The following MACROD2 variants were observed in gnomAD, a reference collection of about 807,000 sequenced individuals.
The protein encoded by MACROD2 is ADP-ribose glycohydrolase MACROD2.
In MACROD2, 36 loss-of-function variants were observed where a neutral mutation model predicts 70.4. The ratio of observed to expected loss-of-function variants is 0.51; its 90% CI spans 0.39 to 0.68. The LOEUF (loss-of-function observed/expected upper bound fraction) is 0.68. MACROD2 is among the 30% of genes least tolerant of loss of function. The probability of loss-of-function intolerance (pLI) is 0.00; values close to 1 mark genes in which losing one functional copy is unlikely to be tolerated. For synonymous variants in MACROD2, 172 were observed against 178.8 expected, an observed-to-expected ratio of 0.96 and a Z score of 0.30; for missense variants, 496 against 538.4, an observed-to-expected ratio of 0.92 and a Z score of 0.78.
chr20:14,604,768 G>T (rs1362578347), intron 4 of MACROD2, among the ~76,000 whole-genome samples: 4 of 152,116 alleles, frequency 2.6e-5, no homozygotes, highest in African/African-American at 4.8e-5. Flanking sequence ...GAGGATCAGG[G>T]AACTCAGCAA....
intron 6 of MACROD2, among the ~76,000 whole-genome samples, chr20:15,333,390 G>A (rs1227431265): frequency 1.3e-5 from 2 of 151,536 alleles, no homozygotes; most frequent in East Asian, 1.9e-4. Context: ...CTTTCTCCTC[G>A]AAAGCGAATT....
At chr20:15,649,152 T>C (rs2049603314) in intron 8 of MACROD2, among the ~76,000 whole-genome samples, 2 of 136,374 alleles carry the variant, frequency 1.5e-5, no homozygotes, top group African/African-American at 5.4e-5. Context: ...TCTTTCTTTC[T>C]TTTCTTTCTT....
At chr20:14,718,211 T>G (rs1443764302) in intron 5 of MACROD2, among the ~76,000 whole-genome samples, 4 of 142,122 alleles carry the variant, frequency 2.8e-5, no homozygotes, top group African/African-American at 1.1e-4. Context: ...GAGAATTGCT[T>G]GAATCCAGGA....
Position 14,979,484 on chromosome 20 carries a change from A to C in MACROD2, c.419-250456A>C, listed in dbSNP as rs979816529. On this transcript the variant is annotated intron_variant, in intron 5 of 17. Coordinates refer to ENST00000684519, the MANE Select transcript of MACROD2 (RefSeq NM_001351661.2). ...TGTTGACAGCAAGAGAGAAAGAAAT[A>C]TTCTCTCAAGATGAACAATAATGTC... is the stretch of plus-strand genomic sequence containing the variant. Among the ~76,000 whole-genome samples, 16 of 152,192 alleles carry C rather than the reference A, an allele frequency of 1.1e-4. 1 individual carries two copies. The highest frequency in any genetic ancestry group is 2.0e-4 in the Admixed American group (3 of 15,278).
At chr20:14,145,747 T>C (rs985718013) in intron 3 of MACROD2, among the ~76,000 whole-genome samples, 1 of 152,238 alleles carries the variant, frequency 6.6e-6, no homozygotes, top group Non-Finnish European at 1.5e-5. Context: ...TTTCTCACAA[T>C]TAAATTCTCT....
intron 15 of MACROD2, among the ~76,000 whole-genome samples, chr20:16,000,473 T>A (rs981005577): frequency 2.6e-5 from 4 of 152,256 alleles, no homozygotes; most frequent in Admixed American, 2.0e-4. Flanking sequence ...AGGCCATAAG[T>A]GGAATGGAGT....
rs74710070 is a variant in MACROD2 at position 15,991,132 on chromosome 20, G to C, written c.1153+3974G>C. On this transcript the variant is annotated intron_variant, in intron 15 of 17. Transcript: ENST00000684519. Reference sequence around the variant, plus strand: ...ATTATTCCCTAAAGATACTTTAAAGGGGGAGGGGAATGCCTTTTAGCTCAA... The same window carrying C: ...ATTATTCCCTAAAGATACTTTAAAGCGGGAGGGGAATGCCTTTTAGCTCAA... 0.014 allele frequency among the ~76,000 whole-genome samples: 2,137 copies of C among 152,200 alleles called. 175 individuals carry two copies. The East Asian group carries it at 0.24, about 17-fold the overall frequency.
At chr20:14,488,768 C>G (rs1176213291) in intron 3 of MACROD2, among the ~76,000 whole-genome samples, 3 of 152,090 alleles carry the variant, frequency 2.0e-5, no homozygotes, top group African/African-American at 7.2e-5. Context: ...AGGGGTTGGA[C>G]CAAATAAGTG....
intron 3 of MACROD2, among the ~76,000 whole-genome samples, chr20:14,255,066 C>A (rs1184036751): frequency 6.6e-6 from 1 of 152,120 alleles, no homozygotes; most frequent in Non-Finnish European, 1.5e-5. Context: ...AATATTGGCC[C>A]CCACTCTGTT....
chr20:14,990,746 T>A (rs531217423), intron 5 of MACROD2, among the ~76,000 whole-genome samples: 17 of 152,016 alleles, frequency 1.1e-4, no homozygotes, highest in Non-Finnish European at 2.2e-4. Flanking sequence ...ACTACTGACC[T>A]TGTGATCTGC....
intron 8 of MACROD2, among the ~76,000 whole-genome samples, chr20:15,810,134 G>A (rs1356627074): frequency 3.3e-5 from 5 of 151,022 alleles, no homozygotes; most frequent in South Asian, 2.1e-4. Context: ...TTGTCCTTGC[G>A]ATAGTTTGCT....
chr20:16,025,483 A>G (rs62194207), intron 15 of MACROD2, among the ~76,000 whole-genome samples: 18,381 of 152,292 alleles, frequency 0.12, 1,355 homozygotes, highest in Middle Eastern at 0.19. Flanking sequence ...GCAGAAGTCA[A>G]TCAAGCTTGA....
intron 7 of MACROD2, among the ~76,000 whole-genome samples, chr20:15,480,471 G>C (rs1436367183): frequency 1.3e-5 from 2 of 152,132 alleles, no homozygotes; most frequent in Non-Finnish European, 2.9e-5. Flanking sequence ...ATAATCTAGT[G>C]AATTAGCTTT....
Position 15,455,068 on chromosome 20 carries a change from C to A in MACROD2, c.571+23633C>A, listed in dbSNP as rs564101810. On this transcript the variant is annotated intron_variant, in intron 7 of 17. Transcript: ENST00000684519. ...CACAAGTACCAGAATAGTGGTTGGA[C>A]CAAGGCATCCCAACTTCAGGTTTCA... is the stretch of plus-strand genomic sequence containing the variant. 2.0e-5 allele frequency among the ~76,000 whole-genome samples: 3 copies of A among 152,216 alleles called. No homozygotes were observed. The South Asian group carries it at 6.2e-4, about 32-fold the overall frequency.
chr20:15,762,715 G>A (rs949067220), intron 8 of MACROD2, among the ~76,000 whole-genome samples: 4 of 152,336 alleles, frequency 2.6e-5, no homozygotes, highest in Middle Eastern at 3.4e-3. Context: ...TCCCAGGAGA[G>A]GGGTGAGGGA....
At chr20:14,519,938 A>G (rs1555798783) in intron 4 of MACROD2, among the ~76,000 whole-genome samples, 1 of 152,156 alleles carries the variant, frequency 6.6e-6, no homozygotes, top group African/African-American at 2.4e-5. Context: ...GTTGGAGGCC[A>G]TTATCTGTTC....
intron 5 of MACROD2, among the ~76,000 whole-genome samples, chr20:15,013,073 C>T (rs1196006611): frequency 1.3e-5 from 2 of 152,176 alleles, no homozygotes; most frequent in Non-Finnish European, 2.9e-5. Context: ...TATTAGTTTT[C>T]TGGCTGTCCA....
rs2053436891 is a variant in MACROD2 at position 14,044,358 on chromosome 20, G to A, written c.164-41263G>A. The stretch of plus-strand genomic sequence containing the variant: ...AAGGCAGTGTGGACCCAAAGAGAGA[G>A]CAGCAGCAAGATTTATTGCAAAGAG... On this transcript the variant is annotated intron_variant, in intron 2 of 17. Transcript: ENST00000684519. Among the ~76,000 whole-genome samples, 2 of 152,164 alleles carry A rather than the reference G, an allele frequency of 1.3e-5. 1 individual carries two copies. Among genetic ancestry groups the A allele is most frequent in the South Asian group, 4.2e-4 (2 of 4,818 alleles).
intron 15 of MACROD2, among the ~76,000 whole-genome samples, chr20:16,035,810 C>T (rs1358522668): frequency 2.0e-5 from 3 of 151,708 alleles, no homozygotes; most frequent in Admixed American, 1.3e-4. Flanking sequence ...CTGGTCTCAT[C>T]CTCCTCGGAT....
Sources: gnomAD v4.1 joint callset for allele counts (sites outside exome capture counted in the v4.1 genomes callset) on GRCh38, gnomAD v4.1.1 for gene constraint, MANE v1.5 for transcripts, NCBI Gene and HGNC (gene_info 2026-07-23, HGNC 2026-07-21) for gene names.